Variants in XPNPEP3 observed in about 807,000 individuals in gnomAD.
XPNPEP3 encodes the protein X-prolyl aminopeptidase 3.
In XPNPEP3, 41 loss-of-function variants were observed where a neutral mutation model predicts 60.0. The ratio of observed to expected loss-of-function variants is 0.68; its 90% CI spans 0.53 to 0.89. XPNPEP3 has a LOEUF of 0.89. Among genes scored for constraint, XPNPEP3 ranks in the 40% least tolerant of loss-of-function variants. XPNPEP3 has a pLI of 0.00. For synonymous variants in XPNPEP3, 212 were observed against 223.2 expected (o/e 0.95, Z 0.45); for missense variants, 598 against 638.9 (o/e 0.94, Z 0.69).
intron 1 of XPNPEP3, among the ~76,000 whole-genome samples, chr22:40,858,492 C>T (rs927034015): frequency 6.8e-6 from 1 of 146,988 alleles, no homozygotes; most frequent in African/African-American, 2.5e-5. Context: ...CAGCACTAAG[C>T]GTTGCAATCG....
At chr22:40,885,304 A>G (rs2058064434) in intron 3 of XPNPEP3, among the ~76,000 whole-genome samples, 2 of 152,204 alleles carry the variant, frequency 1.3e-5, no homozygotes, top group Non-Finnish European at 2.9e-5. Flanking sequence ...GCCTACTGTT[A>G]GAAAAAAAGA....
chr22:40,931,508 G>A lies in XPNPEP3; in HGVS notation c.*5073G>A, dbSNP rs535066046. Reference sequence around the variant, plus strand: ...GAGGGATGGTCACTTGAGCCCAGGAGTTTGAGACCAGCCTAGGCAACATAG... The same window carrying A: ...GAGGGATGGTCACTTGAGCCCAGGAATTTGAGACCAGCCTAGGCAACATAG... On this transcript the variant is annotated 3_prime_UTR_variant, in exon 10 of 10. Coordinates refer to ENST00000357137, the MANE Select transcript of XPNPEP3 (RefSeq NM_022098.4). 7.9e-5 allele frequency: 12 copies of A among 152,342 alleles called. No homozygotes were observed. Among genetic ancestry groups the A allele is most frequent in the Admixed American group, 5.9e-4 (9 of 15,286 alleles). The allele number at this position is 152,342 out of a possible 1,614,324, so 9.4% of individuals were successfully genotyped here. A position where few individuals can be genotyped will look rare whatever the true frequency, so the allele number is the denominator to read the frequency against.
chr22:40,926,437 C>A lies in XPNPEP3; in HGVS notation c.*2C>A, dbSNP rs149716028. On this transcript the variant is annotated 3_prime_UTR_variant, in exon 10 of 10. Transcript: ENST00000357137. The stretch of plus-strand genomic sequence containing the variant: ...CAGATATGCAGCCAGGCTTCTTGAC[C>A]TTCACTGCGGCCCACATGCACCTCA... 1.1e-4 allele frequency: 170 copies of A among 1,613,932 alleles called. No homozygotes were observed. The highest frequency in any genetic ancestry group is 1.4e-4 in the Non-Finnish European group (163 of 1,180,028).
At position 40,920,281 on chromosome 22, in the gene XPNPEP3, T is replaced by A. The variant is rs560374970; in HGVS notation, c.1056-2052T>A. Among the ~76,000 whole-genome samples the A allele has an allele frequency of 8.6e-5, 13 of 152,030 alleles. No homozygotes were observed. The South Asian group carries it at 2.7e-3, about 32-fold the overall frequency. On this transcript the variant is annotated intron_variant, in intron 7 of 9. Coordinates refer to ENST00000357137, the MANE Select transcript of XPNPEP3 (RefSeq NM_022098.4). ...TACTTGGGAGGCCGAGGCAGGAGAA[T>A]CGCTTGAACCCGGTGGGGGCAGAGG...
intron 1 of XPNPEP3, among the ~76,000 whole-genome samples, chr22:40,863,336 C>T (rs1381746621): frequency 6.6e-6 from 1 of 152,174 alleles, no homozygotes; most frequent in Non-Finnish European, 1.5e-5. Flanking sequence ...ATTTAAAGGT[C>T]TTATATTCTA....
In XPNPEP3 at chr22:40,869,098, C is replaced by T. The variant is rs1364655761; in HGVS notation, c.164C>T (p.Pro55Leu). The T allele has an allele frequency of 6.2e-7, 1 of 1,613,850 alleles. No individual in the cohort carries two copies. The highest frequency in any genetic ancestry group is 8.5e-7 in the Non-Finnish European group (1 of 1,179,900). Residue 55 changes from proline to leucine, a missense_variant, in exon 2 of 10, where the codon CCA becomes CTA. Coordinates refer to ENST00000357137, the MANE Select transcript of XPNPEP3 (RefSeq NM_022098.4). Reference sequence around the variant, plus strand: ...GGCCAGCCCAGCCCCTTTACACACCCACACCTCCTCAGACCAGGTAAGGCC... The same window carrying T: ...GGCCAGCCCAGCCCCTTTACACACCTACACCTCCTCAGACCAGGTAAGGCC... Reference protein sequence around the residue: ...YLGQPSPFTHPHLLRPGEVTP... With the variant: ...YLGQPSPFTHLHLLRPGEVTP...
At chr22:40,869,728 T>A (rs2057996094) in intron 2 of XPNPEP3, among the ~76,000 whole-genome samples, 1 of 152,320 alleles carries the variant, frequency 6.6e-6, no homozygotes, top group Non-Finnish European at 1.5e-5. Context: ...AGAAGATGTC[T>A]TATAACTATT....
chr22:40,869,085 C>G lies in XPNPEP3; in HGVS notation c.151C>G (p.Pro51Ala). 6.2e-7 allele frequency: 1 copy of G among 1,614,026 alleles called. No individual in the cohort carries two copies. Residue 51 changes from proline to alanine, a missense_variant, in exon 2 of 10, where the codon CCC becomes GCC. By Grantham distance (27) the Pro-to-Ala change is conservative (BLOSUM62 -1). Transcript: ENST00000357137. ...AAACCGATACTTAGGCCAGCCCAGC[C>G]CCTTTACACACCCACACCTCCTCAG... ...IPNRYLGQPSPFTHPHLLRPG... is the reference protein window; with the variant it reads ...IPNRYLGQPSAFTHPHLLRPG...
At chr22:40,868,437 G>A (rs2057989382) in intron 1 of XPNPEP3, among the ~76,000 whole-genome samples, 1 of 151,218 alleles carries the variant, frequency 6.6e-6, no homozygotes, top group Admixed American at 6.6e-5. Context: ...GCGTGTGTGT[G>A]TGTGTGTGTG....
chr22:40,857,972 A>T (rs778019858), intron 1 of XPNPEP3, among the ~76,000 whole-genome samples: 6 of 152,242 alleles, frequency 3.9e-5, no homozygotes, highest in Non-Finnish European at 5.9e-5. Flanking sequence ...TTAAAATGGA[A>T]TGTTAATTAC....
chr22:40,873,806 A>C (rs1328414820), intron 2 of XPNPEP3, among the ~76,000 whole-genome samples: 4 of 152,178 alleles, frequency 2.6e-5, no homozygotes, highest in African/African-American at 9.7e-5. Flanking sequence ...AAAATAAAAT[A>C]AAATAGAAAT....
At chr22:40,891,777 A>G (rs1946987101) in intron 4 of XPNPEP3, among the ~76,000 whole-genome samples, 1 of 152,224 alleles carries the variant, frequency 6.6e-6, no homozygotes, top group Non-Finnish European at 1.5e-5. Flanking sequence ...CAGGATCCAC[A>G]AACTGCACTA....
At chr22:40,871,690 G>A (rs1464994882) in intron 2 of XPNPEP3, among the ~76,000 whole-genome samples, 7 of 152,098 alleles carry the variant, frequency 4.6e-5, no homozygotes, top group African/African-American at 1.4e-4. Flanking sequence ...AAGTGTACAT[G>A]TGTACACATT....
chr22:40,896,253 T>C (rs1404794188), intron 4 of XPNPEP3, among the ~76,000 whole-genome samples: 1 of 152,114 alleles, frequency 6.6e-6, no homozygotes, highest in Non-Finnish European at 1.5e-5. Flanking sequence ...CCGTGTGAGC[T>C]CCTGAGCTCG....
In XPNPEP3 at chr22:40,886,369, T is replaced by A. The variant is rs927188004; in HGVS notation, c.646T>A (p.Ser216Thr). The A allele has an allele frequency of 6.2e-7, 1 of 1,614,028 alleles. No homozygotes were observed. The highest frequency in any genetic ancestry group is 1.3e-5 in the African/African-American group (1 of 74,920). ...WMRPSHAQLHSDYMQPLTEAK... is the reference protein window; with the variant it reads ...WMRPSHAQLHTDYMQPLTEAK... Reference sequence around the variant, plus strand: ...GAGGCCCTCACATGCACAGCTTCACTCTGACTATATGCAGCCCCTGACTGA... The same window carrying A: ...GAGGCCCTCACATGCACAGCTTCACACTGACTATATGCAGCCCCTGACTGA... Residue 216 changes from serine to threonine, a missense_variant, in exon 4 of 10, where the codon TCT becomes ACT. Physicochemically the swap from Ser to Thr is moderately conservative, Grantham distance 58. Transcript: ENST00000357137.
At chr22:40,907,735 T>G in intron 5 of XPNPEP3, 86 bp downstream of exon 5, 1 of 1,304,566 alleles carries the variant, frequency 7.7e-7, no homozygotes, top group South Asian at 1.2e-5. Context: ...AGTCTGCTTT[T>G]GTGATAGTGA....
At chr22:40,911,480 C>T (rs1238234341) in intron 6 of XPNPEP3, among the ~76,000 whole-genome samples, 5 of 147,364 alleles carry the variant, frequency 3.4e-5, no homozygotes, top group Non-Finnish European at 7.5e-5. Context: ...TATTTTCCTT[C>T]GTGCACTTTT....
At chr22:40,906,860 T>C (rs1038842971) in intron 4 of XPNPEP3, among the ~76,000 whole-genome samples, 5 of 152,186 alleles carry the variant, frequency 3.3e-5, no homozygotes, top group African/African-American at 1.2e-4. Flanking sequence ...TGCCAGCAGA[T>C]TCAGTGTCTG....
Position 40,860,914 on chromosome 22 carries a change from A to G in XPNPEP3, c.64+3669A>G, listed in dbSNP as rs888417467. ...CCACAAACTCATCCTTTTCTGACAT[A>G]CCCATTCAAAAAAACTACTAACCAA... On this transcript the variant is annotated intron_variant, in intron 1 of 9. Transcript: ENST00000357137. 8.1e-6 allele frequency: 6 copies of G among 737,860 alleles called. No individual in the cohort carries two copies. In the African/African-American group the frequency reaches 1.1e-4, roughly 13 times the overall value. 45.7% of individuals were successfully genotyped at this position (737,860 alleles called of 1,614,324 possible). A position where few individuals can be genotyped will look rare whatever the true frequency, so the allele number is the denominator to read the frequency against.
Sources: allele counts gnomAD v4.1 joint callset (sites outside exome capture counted in the v4.1 genomes callset), GRCh38; gene constraint gnomAD v4.1.1; transcripts MANE v1.5; gene names NCBI Gene and HGNC (gene_info 2026-07-23, HGNC 2026-07-21).